Variants in PCDH15 observed in about 807,000 individuals in gnomAD.
PCDH15 encodes protocadherin-15.
PCDH15 carries 129 observed loss-of-function variants against 178.5 expected under a neutral mutation model. The observed-to-expected ratio is 0.72, with a 90% confidence interval of 0.63 to 0.84. PCDH15 has a LOEUF of 0.84. Ranked by LOEUF, PCDH15 falls within the 40% of genes least tolerant of loss-of-function variation. PCDH15 has a pLI of 0.00. For synonymous variants in PCDH15, 800 were observed against 732.0 expected, an observed-to-expected ratio of 1.09 and a Z score of -1.50; for missense variants, 2,230 against 2,099.9, an observed-to-expected ratio of 1.06 and a Z score of -1.21.
chr10:54,611,569 G>A (rs1280113907), intron 2 of PCDH15, among the ~76,000 whole-genome samples: 1 of 151,816 alleles, frequency 6.6e-6, no homozygotes, highest in Non-Finnish European at 1.5e-5. Context: ...ATGTTAAGGA[G>A]AACAGAATTC....
intron 3 of PCDH15, among the ~76,000 whole-genome samples, chr10:54,439,427 G>A (rs986747642): frequency 2.0e-5 from 3 of 152,036 alleles, no homozygotes; most frequent in Non-Finnish European, 1.5e-5. Flanking sequence ...TTAATGAGGC[G>A]TAGTTGTCTG....
chr10:55,622,478 G>T (rs999754466), intron 2 of PCDH15, among the ~76,000 whole-genome samples: 2 of 151,882 alleles, frequency 1.3e-5, no homozygotes, highest in South Asian at 4.1e-4. Flanking sequence ...CATTTCTAAT[G>T]ATTTGTTCAT....
chr10:54,212,668 T>C (rs2051570699), intron 10 of PCDH15, among the ~76,000 whole-genome samples: 1 of 152,152 alleles, frequency 6.6e-6, no homozygotes, highest in African/African-American at 2.4e-5. Flanking sequence ...TCTGATTTAT[T>C]TGATTATATG....
chr10:54,554,464 A>T (rs911785873), intron 2 of PCDH15, among the ~76,000 whole-genome samples: 4 of 152,184 alleles, frequency 2.6e-5, no homozygotes, highest in Non-Finnish European at 4.4e-5. Flanking sequence ...AATTGGATTA[A>T]AAAATGAAGA....
At chr10:54,800,600 G>T (rs1440556470) in intron 1 of PCDH15, among the ~76,000 whole-genome samples, 2 of 152,172 alleles carry the variant, frequency 1.3e-5, no homozygotes, top group Non-Finnish European at 2.9e-5. Flanking sequence ...GGAAGTAGAA[G>T]AAGTGGTTGA....
At chr10:54,476,810 G>A (rs2078307326) in intron 3 of PCDH15, among the ~76,000 whole-genome samples, 1 of 152,050 alleles carries the variant, frequency 6.6e-6, no homozygotes, top group Non-Finnish European at 1.5e-5. Flanking sequence ...AAGCATACAG[G>A]CCCATCATGG....
intron 15 of PCDH15, among the ~76,000 whole-genome samples, chr10:54,100,828 G>T (rs1443101375): frequency 1.3e-5 from 2 of 149,990 alleles, no homozygotes; most frequent in Non-Finnish European, 2.9e-5. Flanking sequence ...CACTTAAGGT[G>T]GGGGGGGATT....
chr10:54,740,218 G>A (rs898323641), intron 1 of PCDH15, among the ~76,000 whole-genome samples: 3 of 151,844 alleles, frequency 2.0e-5, no homozygotes, highest in African/African-American at 4.8e-5. Flanking sequence ...TTTAAAATGG[G>A]CAAAAGATCT....
intron 1 of PCDH15, among the ~76,000 whole-genome samples, chr10:55,242,904 A>G (rs573723303): frequency 6.6e-6 from 1 of 152,326 alleles, no homozygotes; most frequent in South Asian, 2.1e-4. Context: ...TGATGAATTC[A>G]CAACTTATAA....
intron 2 of PCDH15, among the ~76,000 whole-genome samples, chr10:55,398,110 C>T (rs1461132292): frequency 6.6e-6 from 1 of 151,788 alleles, no homozygotes; most frequent in Non-Finnish European, 1.5e-5. Context: ...CTTATTTATG[C>T]CCTAACACAA....
intron 3 of PCDH15, among the ~76,000 whole-genome samples, chr10:54,826,547 A>G (rs180964212): frequency 5.9e-5 from 9 of 151,746 alleles, no homozygotes; most frequent in Admixed American, 2.0e-4. Flanking sequence ...GTGTGTGTGT[A>G]TATGTATATA....
At chr10:54,201,602 C>T (rs1449905414) in intron 10 of PCDH15, among the ~76,000 whole-genome samples, 1 of 151,766 alleles carries the variant, frequency 6.6e-6, no homozygotes, top group Non-Finnish European at 1.5e-5. Context: ...TCGGACAATC[C>T]CTGGTATATG....
intron 5 of PCDH15, among the ~76,000 whole-genome samples, chr10:54,366,359 T>C (rs532534173): frequency 2.0e-5 from 3 of 152,138 alleles, no homozygotes; most frequent in Non-Finnish European, 2.9e-5. Flanking sequence ...ATAAACTTCA[T>C]GTCTTATACT....
intron 2 of PCDH15, among the ~76,000 whole-genome samples, chr10:55,071,336 T>C (rs1841741266): frequency 6.6e-6 from 1 of 152,098 alleles, no homozygotes; most frequent in African/African-American, 2.4e-5. Context: ...ATCAGTGTGC[T>C]GTATTCAGGA....
At chr10:54,199,842 T>C (rs973116080) in intron 10 of PCDH15, among the ~76,000 whole-genome samples, 13 of 152,120 alleles carry the variant, frequency 8.5e-5, no homozygotes, top group Non-Finnish European at 1.9e-4. Context: ...TTAAACATTA[T>C]ATTTAAGTGC....
intron 2 of PCDH15, among the ~76,000 whole-genome samples, chr10:55,327,186 T>C (rs556189219): frequency 3.3e-5 from 5 of 152,218 alleles, no homozygotes; most frequent in African/African-American, 1.2e-4. Flanking sequence ...TGGCCCCTTC[T>C]GCCATGTGAG....
chr10:54,513,953 G>A (rs2081959799), intron 3 of PCDH15, among the ~76,000 whole-genome samples: 1 of 152,132 alleles, frequency 6.6e-6, no homozygotes, highest in African/African-American at 2.4e-5. Flanking sequence ...AAAAATATTA[G>A]CCACAGGCTT....
chr10:55,048,538 G>T (rs2131985104), intron 2 of PCDH15, among the ~76,000 whole-genome samples: 1 of 151,946 alleles, frequency 6.6e-6, no homozygotes, highest in Middle Eastern at 3.4e-3. Context: ...TCATAACTGA[G>T]AAAAATAACA....
At chr10:53,910,492 A>T (rs2083004355) in intron 25 of PCDH15, among the ~76,000 whole-genome samples, 1 of 152,188 alleles carries the variant, frequency 6.6e-6, no homozygotes, top group African/African-American at 2.4e-5. Context: ...ACCCACACCA[A>T]AACCCCATCT....
Sources: gnomAD v4.1 joint callset for allele counts (sites outside exome capture counted in the v4.1 genomes callset) on GRCh38, gnomAD v4.1.1 for gene constraint, MANE v1.5 for transcripts, NCBI Gene and HGNC (gene_info 2026-07-23, HGNC 2026-07-21) for gene names.